Variants in LRMDA observed in about 807,000 individuals in gnomAD.
The protein encoded by LRMDA is leucine-rich melanocyte differentiation-associated protein.
In LRMDA, 18 loss-of-function variants were observed where a neutral mutation model predicts 29.8. The observed-to-expected ratio is 0.60, with a 90% confidence interval of 0.42 to 0.90. The LOEUF is 0.90. LRMDA is among the 40% of genes least tolerant of loss of function. The pLI is 0.00. For synonymous variants in LRMDA, 125 were observed against 109.4 expected, an observed-to-expected ratio of 1.14 and a Z score of -0.89; for missense variants, 273 against 273.9, an observed-to-expected ratio of 1.00 and a Z score of 0.02.
intron 2 of LRMDA, among the ~76,000 whole-genome samples, chr10:75,490,332 CACAT>C (rs1300547089): frequency 2.8e-4 from 17 of 61,600 alleles, no homozygotes; most frequent in African/African-American, 7.8e-4. Context: ...ATGACATGTA[CACAT>C]ACACACACAC....
At chr10:75,513,242 C>G (rs138610763) in intron 2 of LRMDA, among the ~76,000 whole-genome samples, 2 of 152,176 alleles carry the variant, frequency 1.3e-5, no homozygotes, top group African/African-American at 4.8e-5. Flanking sequence ...TTTTGTTTCT[C>G]GTTCCATTCC....
At chr10:76,146,075 T>A (rs1451088504) in intron 5 of LRMDA, among the ~76,000 whole-genome samples, 4 of 152,040 alleles carry the variant, frequency 2.6e-5, no homozygotes, top group Non-Finnish European at 4.4e-5. Context: ...ATAATTTCTG[T>A]TCTTTTACAT....
intron 4 of LRMDA, among the ~76,000 whole-genome samples, chr10:76,047,875 G>T (rs1052157456): frequency 6.6e-6 from 1 of 152,180 alleles, no homozygotes; most frequent in Non-Finnish European, 1.5e-5. Flanking sequence ...ATGCCGTGGC[G>T]CCCACCAGCC....
chr10:76,127,417 T>G (rs1480540973), intron 5 of LRMDA, among the ~76,000 whole-genome samples: 1 of 152,232 alleles, frequency 6.6e-6, no homozygotes, highest in African/African-American at 2.4e-5. Context: ...ACCCTACAGA[T>G]GCATGGCAGG....
intron 2 of LRMDA, among the ~76,000 whole-genome samples, chr10:75,539,591 A>G (rs771780123): frequency 6.6e-5 from 10 of 152,220 alleles, no homozygotes; most frequent in Non-Finnish European, 1.5e-5. Flanking sequence ...AATAATATTG[A>G]TAAAAATGCT....
At chr10:76,177,240 A>G (rs555696503) in intron 5 of LRMDA, among the ~76,000 whole-genome samples, 1 of 152,360 alleles carries the variant, frequency 6.6e-6, no homozygotes, top group African/African-American at 2.4e-5. Context: ...TGAAAGGTAC[A>G]TCACATGATG....
chr10:76,114,463 G>A (rs1267904372), intron 5 of LRMDA, among the ~76,000 whole-genome samples: 2 of 152,174 alleles, frequency 1.3e-5, no homozygotes, highest in Non-Finnish European at 2.9e-5. Flanking sequence ...ACTTTTGGAA[G>A]TGAAAAAGGG....
At chr10:75,942,153 C>T (rs1481739322) in intron 2 of LRMDA, among the ~76,000 whole-genome samples, 2 of 152,074 alleles carry the variant, frequency 1.3e-5, no homozygotes, top group Admixed American at 6.6e-5. Context: ...CCTTCCTCAG[C>T]GACGTGCAGC....
chr10:75,860,802 C>T (rs1477454916), intron 2 of LRMDA, among the ~76,000 whole-genome samples: 1 of 152,096 alleles, frequency 6.6e-6, no homozygotes, highest in Non-Finnish European at 1.5e-5. Context: ...GTTCTGTGGC[C>T]ACAGATTACT....
At position 76,557,148 on chromosome 10, in the gene LRMDA, C is replaced by CTGTG. The variant is rs1843567810; in HGVS notation, c.602-59_602-56dup. The stretch of plus-strand genomic sequence containing the variant: ...ATCTTGCATGTCTGCTTTTCAGCAC[C>CTGTG]TGTGTTTCCCTGCTATGCTAAGTGT... On this transcript the variant is annotated intron_variant, in intron 6 of 6. Coordinates refer to ENST00000611255, the MANE Select transcript of LRMDA (RefSeq NM_001305581.2). 1.0e-5 allele frequency: 14 copies of CTGTG among 1,338,620 alleles called. No individual in the cohort carries two copies. The Admixed American group carries it at 2.2e-4, about 21-fold the overall frequency. 82.9% of individuals were successfully genotyped at this position (1,338,620 alleles called of 1,614,324 possible). A position where few individuals can be genotyped will look rare whatever the true frequency, so the allele number is the denominator to read the frequency against.
intron 2 of LRMDA, among the ~76,000 whole-genome samples, chr10:75,504,015 A>T (rs866527848): frequency 3.4e-4 from 48 of 141,842 alleles, no homozygotes; most frequent in African/African-American, 8.7e-4. Flanking sequence ...TATTAATCCC[A>T]TTTTTTTTTT....
At chr10:75,951,131 AGC>A (rs1455776270) in intron 2 of LRMDA, among the ~76,000 whole-genome samples, 1 of 152,204 alleles carries the variant, frequency 6.6e-6, no homozygotes, top group Non-Finnish European at 1.5e-5. Context: ...TCCCTGGTTC[AGC>A]TATGATGAGA....
In LRMDA at chr10:75,438,632, G is replaced by A. The variant is rs145946130; in HGVS notation, c.131+138G>A. The A allele has an allele frequency of 5.4e-5, 36 of 661,730 alleles. No homozygotes were observed. The East Asian group carries it at 8.3e-4, about 15-fold the overall frequency. 41.0% of individuals were successfully genotyped at this position (661,730 alleles called of 1,614,324 possible). A position where few individuals can be genotyped will look rare whatever the true frequency, so the allele number is the denominator to read the frequency against. ...TATTCAGCAGAAGGCTCTGAGATGC[G>A]TGGAATCACACCCCAAAGGTTTCAC... is the stretch of plus-strand genomic sequence containing the variant. On this transcript the variant is annotated intron_variant, in intron 2 of 6. Coordinates refer to ENST00000611255, the MANE Select transcript of LRMDA (RefSeq NM_001305581.2).
rs57704833 is a variant in LRMDA, at chr10:76,041,417, G to A, written c.258+5283G>A. The stretch of plus-strand genomic sequence containing the variant: ...TCTATCATGTACTAGCTGTGTGACC[G>A]TTAACCCGTTTCCTTAATTGTTATT... On this transcript the variant is annotated intron_variant, in intron 3 of 6. Coordinates refer to ENST00000611255, the MANE Select transcript of LRMDA (RefSeq NM_001305581.2). Among the ~76,000 whole-genome samples the A allele has an allele frequency of 1.5e-3, 234 of 152,302 alleles. 1 individual carries two copies. The highest frequency in any genetic ancestry group is 5.0e-3 in the African/African-American group (208 of 41,562).
chr10:76,194,186 G>A (rs953999221), intron 5 of LRMDA, among the ~76,000 whole-genome samples: 1 of 152,174 alleles, frequency 6.6e-6, no homozygotes, highest in Non-Finnish European at 1.5e-5. Flanking sequence ...CTTAGATTTG[G>A]CCTGTTTGTA....
chr10:75,805,298 G>A (rs1843832038), intron 2 of LRMDA, among the ~76,000 whole-genome samples: 3 of 152,160 alleles, frequency 2.0e-5, no homozygotes, highest in Admixed American at 2.0e-4. Flanking sequence ...GTCCCCTGAA[G>A]GAATTCAAAG....
chr10:76,362,021 C>A (rs999576507), intron 6 of LRMDA, among the ~76,000 whole-genome samples: 4 of 152,190 alleles, frequency 2.6e-5, no homozygotes, highest in Non-Finnish European at 5.9e-5. Flanking sequence ...TCCCGACTGG[C>A]AAATGAGTTT....
At chr10:75,911,887 C>A (rs532077431) in intron 2 of LRMDA, among the ~76,000 whole-genome samples, 37 of 152,268 alleles carry the variant, frequency 2.4e-4, no homozygotes, top group African/African-American at 8.9e-4. Flanking sequence ...TGTCGGTGAC[C>A]ACCTATGCCC....
At chr10:76,227,768 C>T (rs573846255) in intron 5 of LRMDA, among the ~76,000 whole-genome samples, 45 of 152,022 alleles carry the variant, frequency 3.0e-4, no homozygotes, top group African/African-American at 8.0e-4. Flanking sequence ...GTTTTAATAT[C>T]GCATCAGTAT....
Sources: allele counts gnomAD v4.1 joint callset (sites outside exome capture counted in the v4.1 genomes callset), GRCh38; gene constraint gnomAD v4.1.1; transcripts MANE v1.5; gene names NCBI Gene and HGNC (gene_info 2026-07-23, HGNC 2026-07-21).